The following TMEM132C variants were observed in gnomAD, a reference collection of about 807,000 sequenced individuals.
TMEM132C encodes the protein protein phosphatase 1, regulatory subunit 152.
A neutral mutation model predicts 61.4 loss-of-function variants in TMEM132C; 29 were observed. The observed-to-expected ratio is 0.47, with a 90% CI of 0.35 to 0.64. The LOEUF (loss-of-function observed/expected upper bound fraction) is 0.64. TMEM132C is among the 30% of genes least tolerant of loss of function. The probability of loss-of-function intolerance (pLI) is 0.00; values close to 1 mark genes in which losing one functional copy is unlikely to be tolerated. For missense variants in TMEM132C, 1,408 were observed against 1,476.9 expected (o/e 0.95, Z 0.76); for synonymous variants, 656 against 633.1 (o/e 1.04, Z -0.54).
At chr12:128,388,512 T>C (rs11059674) in intron 1 of TMEM132C, among the ~76,000 whole-genome samples, 150,862 of 152,382 alleles carry the variant, frequency 0.99, 74,702 homozygotes, top group Middle Eastern at 1. Flanking sequence ...ATAAACTGTC[T>C]GAGGGCCAGT....
chr12:128,381,185 G>A (rs951265490), intron 1 of TMEM132C, among the ~76,000 whole-genome samples: 1 of 152,202 alleles, frequency 6.6e-6, no homozygotes, highest in Non-Finnish European at 1.5e-5. Context: ...AGGTAGGAAC[G>A]TGCTTTGAGC....
chr12:128,418,335 G>A (rs1180499960), intron 2 of TMEM132C, among the ~76,000 whole-genome samples: 1 of 152,160 alleles, frequency 6.6e-6, no homozygotes, highest in Non-Finnish European at 1.5e-5. Context: ...TGATTAAAAA[G>A]GGGATGTTAC....
At chr12:128,576,522 G>T (rs1190874376) in intron 3 of TMEM132C, among the ~76,000 whole-genome samples, 1 of 152,178 alleles carries the variant, frequency 6.6e-6, no homozygotes, top group Non-Finnish European at 1.5e-5. Context: ...ACTTTCCCTT[G>T]GATCAGTAAC....
intron 1 of TMEM132C, among the ~76,000 whole-genome samples, chr12:128,378,554 C>T (rs566310231): frequency 2.6e-5 from 4 of 152,332 alleles, no homozygotes; most frequent in East Asian, 1.9e-4. Context: ...ATTTCAGGAA[C>T]GCCTACATCA....
chr12:128,340,244 GT>G (rs112935542), intron 1 of TMEM132C, among the ~76,000 whole-genome samples: 4 of 151,968 alleles, frequency 2.6e-5, no homozygotes, highest in Admixed American at 6.6e-5. Context: ...CATTGAAAAT[GT>G]TTTTTTCCCC....
rs879440434 is a variant in TMEM132C, at chr12:128,278,754, G to A, written c.85+11267G>A. Among the ~76,000 whole-genome samples the A allele has an allele frequency of 2.6e-5, 3 of 115,556 alleles. No individual in the cohort carries two copies. Among genetic ancestry groups the A allele is most frequent in the East Asian group, 3.7e-4 (1 of 2,734 alleles). The allele number at this position is 115,556 out of a possible 152,430, so 75.8% of individuals were successfully genotyped here. ...CAGACTTGATTCTATACGTGTATGT[G>A]TGTGTGTGTGTGTGTGTGTGTGTGT... On this transcript the variant is annotated intron_variant, in intron 1 of 8. Coordinates refer to ENST00000435159, the MANE Select transcript of TMEM132C (RefSeq NM_001136103.3). This position sits in a 1 kb window ranked among gnomAD's most constrained non-coding sequence, Gnocchi z 4.2.
intron 1 of TMEM132C, among the ~76,000 whole-genome samples, chr12:128,414,213 C>T (rs1868675312): frequency 6.6e-6 from 1 of 151,858 alleles, no homozygotes. Flanking sequence ...ATAGTGAGAC[C>T]CCATCTCTAT....
chr12:128,365,722 C>T (rs1040373488), intron 1 of TMEM132C, among the ~76,000 whole-genome samples: 1 of 152,144 alleles, frequency 6.6e-6, no homozygotes, highest in Non-Finnish European at 1.5e-5. Flanking sequence ...GAGGATGGCT[C>T]CTCTCCCTGC....
At chr12:128,394,653 A>G (rs558171737) in intron 1 of TMEM132C, among the ~76,000 whole-genome samples, 1 of 152,362 alleles carries the variant, frequency 6.6e-6, no homozygotes, top group South Asian at 2.1e-4. Flanking sequence ...TAGGTGCATC[A>G]CCTTTTCTCT....
chr12:128,394,630 C>T (rs1040213432), intron 1 of TMEM132C, among the ~76,000 whole-genome samples: 9 of 152,078 alleles, frequency 5.9e-5, no homozygotes, highest in Admixed American at 3.3e-4. Flanking sequence ...GTTGGATGCT[C>T]GTATATTCAT....
intron 2 of TMEM132C, among the ~76,000 whole-genome samples, chr12:128,479,166 A>G (rs1051392642): frequency 6.6e-6 from 1 of 152,204 alleles, no homozygotes; most frequent in African/African-American, 2.4e-5. Context: ...CTAAATGATG[A>G]GAACATACCT....
chr12:128,318,674 A>T (rs1352225736), intron 1 of TMEM132C, among the ~76,000 whole-genome samples: 1 of 152,218 alleles, frequency 6.6e-6, no homozygotes, highest in East Asian at 1.9e-4. Context: ...AATAAAAACC[A>T]GTATTTCATT....
At chr12:128,302,569 A>C (rs991463018) in intron 1 of TMEM132C, among the ~76,000 whole-genome samples, 14 of 152,346 alleles carry the variant, frequency 9.2e-5, no homozygotes, top group African/African-American at 3.1e-4. Context: ...GAGATCATGT[A>C]GCTCTTTCGT....
rs370540719 is a variant in TMEM132C, at chr12:128,622,363, AT to A, written c.1305+6029del. 4.0e-3 allele frequency among the ~76,000 whole-genome samples: 226 copies of A among 56,712 alleles called. 4 individuals are homozygous for A. The highest frequency in any genetic ancestry group is 5.6e-3 in the Non-Finnish European group (171 of 30,592). The allele number at this position is 56,712 out of a possible 152,430, so 37.2% of individuals were successfully genotyped here. A position where few individuals can be genotyped will look rare whatever the true frequency, so the allele number is the denominator to read the frequency against. ...TGTCTCAAAAAAAAAAAAAAAAAATATATATATATATATATATATATATATA... is the reference window on the plus strand; with the variant it reads ...TGTCTCAAAAAAAAAAAAAAAAAATAATATATATATATATATATATATATA... On this transcript the variant is annotated intron_variant, in intron 4 of 8. Coordinates refer to ENST00000435159, the MANE Select transcript of TMEM132C (RefSeq NM_001136103.3).
intron 7 of TMEM132C, among the ~76,000 whole-genome samples, chr12:128,696,383 CCTT>C (rs1345501840): frequency 6.6e-6 from 1 of 152,176 alleles, no homozygotes; most frequent in African/African-American, 2.4e-5. Context: ...CTCTGATTCT[CCTT>C]CTTAGTCCAC....
At chr12:128,287,515 A>G (rs1053941435) in intron 1 of TMEM132C, among the ~76,000 whole-genome samples, 8 of 150,312 alleles carry the variant, frequency 5.3e-5, no homozygotes, top group African/African-American at 1.9e-4. Flanking sequence ...ATCTATATCT[A>G]TATCTATATC....
chr12:128,513,238 C>T (rs1872621253), intron 2 of TMEM132C, among the ~76,000 whole-genome samples: 1 of 152,242 alleles, frequency 6.6e-6, no homozygotes, highest in Non-Finnish European at 1.5e-5. Context: ...CAAGCAGAAA[C>T]ATCCTGAAGT....
intron 1 of TMEM132C, among the ~76,000 whole-genome samples, chr12:128,372,135 T>C (rs1874045037): frequency 6.6e-6 from 1 of 152,172 alleles, no homozygotes. Context: ...CTTGCCCCCA[T>C]GAAGGGAGGT....
chr12:128,606,831 A>T (rs1477978451), intron 3 of TMEM132C, among the ~76,000 whole-genome samples: 1 of 152,224 alleles, frequency 6.6e-6, no homozygotes, highest in African/African-American at 2.4e-5. Context: ...TTGTATATTG[A>T]CAAGCTTTTC....
Sources: allele counts gnomAD v4.1 joint callset (sites outside exome capture counted in the v4.1 genomes callset), GRCh38; gene constraint gnomAD v4.1.1; non-coding constraint Gnocchi (gnomAD v3.1); transcripts MANE v1.5; gene names NCBI Gene and HGNC (gene_info 2026-07-23, HGNC 2026-07-21).